CASZ1: variants seen among roughly 807,000 people sequenced by gnomAD.
The protein encoded by CASZ1 is castor zinc finger 1.
A neutral mutation model predicts 135.2 loss-of-function variants in CASZ1; 28 were observed. The ratio of observed to expected loss-of-function variants is 0.21; its 90% CI spans 0.15 to 0.28. The LOEUF (loss-of-function observed/expected upper bound fraction) is 0.28. Ranked by LOEUF, CASZ1 falls within the 10% of genes least tolerant of loss-of-function variation. The probability of loss-of-function intolerance (pLI) is 1.00; values close to 1 mark genes in which losing one functional copy is unlikely to be tolerated. For synonymous variants in CASZ1, 1,068 were observed against 1,073.4 expected (o/e 0.99, Z 0.10); for missense variants, 2,161 against 2,453.3 (o/e 0.88, Z 2.52).
At chr1:10,781,727 T>A (rs1027448590) in intron 1 of CASZ1, among the ~76,000 whole-genome samples, 2 of 152,136 alleles carry the variant, frequency 1.3e-5, no homozygotes, top group African/African-American at 4.8e-5. Flanking sequence ...ACAGTACTAG[T>A]AGCAACGATA....
chr1:10,794,946 C>A lies in CASZ1; in HGVS notation c.-234+1618G>T, dbSNP rs553204084. 2.3e-4 allele frequency among the ~76,000 whole-genome samples: 35 copies of A among 151,420 alleles called. No homozygotes were observed. The highest frequency in any genetic ancestry group is 3.7e-4 in the Non-Finnish European group (25 of 67,720). Reference sequence around the variant, plus strand: ...CCCCAGCGCGCCTCTGCCCGCACCTCGCCACCCCGGCGGCCGCCCCCTCCC... The same window carrying A: ...CCCCAGCGCGCCTCTGCCCGCACCTAGCCACCCCGGCGGCCGCCCCCTCCC... On this transcript the variant is annotated intron_variant, in intron 1 of 20. Transcript: ENST00000377022. The surrounding 1 kb of genome is among the most constrained non-coding windows in gnomAD (Gnocchi z 5.6).
At chr1:10,770,770 C>T (rs976105547) in intron 1 of CASZ1, among the ~76,000 whole-genome samples, 1 of 152,240 alleles carries the variant, frequency 6.6e-6, no homozygotes, top group African/African-American at 2.4e-5. Context: ...GCAATCATCA[C>T]CTAGGTCTAC....
Position 10,694,171 on chromosome 1 carries a change from T to TG in CASZ1, c.-23-260dup, listed in dbSNP as rs1638859499. The TG allele has an allele frequency of 3.4e-6, 1 of 296,884 alleles. No homozygotes were observed. Among genetic ancestry groups the TG allele is most frequent in the Non-Finnish European group, 5.3e-6 (1 of 188,556 alleles). The allele number at this position is 296,884 out of a possible 1,614,324, so 18.4% of individuals were successfully genotyped here. ...ACTCTCGGCCGGCGCGGCCCCGGCT[T>TG]GGGGGCCCTGGCCGGGGGATCCGCG... On this transcript the variant is annotated intron_variant, in intron 3 of 20. Coordinates refer to ENST00000377022, the MANE Select transcript of CASZ1 (RefSeq NM_001079843.3). The surrounding 1 kb of genome is among the most constrained non-coding windows in gnomAD (Gnocchi z 6.6).
At chr1:10,770,539 C>G (rs1244692156) in intron 1 of CASZ1, among the ~76,000 whole-genome samples, 1 of 152,132 alleles carries the variant, frequency 6.6e-6, no homozygotes, top group African/African-American at 2.4e-5. Flanking sequence ...GGGGTCCCAG[C>G]CAACTGGGCC....
chr1:10,660,574 G>C, intron 5 of CASZ1, 38 bp from the exon 6 acceptor site: 2 of 1,565,440 alleles, frequency 1.3e-6, no homozygotes, highest in Non-Finnish European at 1.7e-6. Flanking sequence ...CTCTGGGAGG[G>C]AGTGGGAGGG....
At chr1:10,783,886 A>AAC (rs1370095156) in intron 1 of CASZ1, among the ~76,000 whole-genome samples, 21 of 151,464 alleles carry the variant, frequency 1.4e-4, no homozygotes, top group African/African-American at 5.1e-4. Context: ...AAAAAAAAAA[A>AAC]AAAAAAACCT....
In CASZ1 at chr1:10,665,576, A is replaced by T; in HGVS notation, c.17-5T>A. ...CCGTGCACCGGGTGCCCTCAGCTGC[A>T]GGGATGGAGGAGAGCACGGAGGTCA... On this transcript the variant is annotated splice_region_variant and splice_polypyrimidine_tract_variant and intron_variant, in intron 4 of 20. Coordinates refer to ENST00000377022, the MANE Select transcript of CASZ1 (RefSeq NM_001079843.3). The T allele has an allele frequency of 6.4e-7, 1 of 1,550,676 alleles. No homozygotes were observed. The highest frequency in any genetic ancestry group is 8.7e-7 in the Non-Finnish European group (1 of 1,153,918).
chr1:10,727,841 A>G lies in CASZ1; in HGVS notation c.-76-22297T>C, dbSNP rs1639624774. ...CTGGGAACCTGTGGAGCCCCTGGCTAGTGGCCAGACAGCATGTATGAGTGT... is the reference window on the plus strand; with the variant it reads ...CTGGGAACCTGTGGAGCCCCTGGCTGGTGGCCAGACAGCATGTATGAGTGT... On this transcript the variant is annotated intron_variant, in intron 2 of 20. Coordinates refer to ENST00000377022, the MANE Select transcript of CASZ1 (RefSeq NM_001079843.3). The surrounding 1 kb of genome is among the most constrained non-coding windows in gnomAD (Gnocchi z 5.3). 6.6e-6 allele frequency among the ~76,000 whole-genome samples: 1 copy of G among 152,168 alleles called. No individual in the cohort carries two copies. The highest frequency in any genetic ancestry group is 1.9e-4 in the East Asian group (1 of 5,188).
rs1056662600 is a variant in CASZ1 at position 10,741,274 on chromosome 1, C to T, written c.-77+19427G>A. On this transcript the variant is annotated intron_variant, in intron 2 of 20. Coordinates refer to ENST00000377022, the MANE Select transcript of CASZ1 (RefSeq NM_001079843.3). This position sits in a 1 kb window ranked among gnomAD's most constrained non-coding sequence, Gnocchi z 5.0. ...TTGGGATTACAGGCGTGAGCCACTG[C>T]GCCTGGCTCTATATTGGGCTTTAAA... Among the ~76,000 whole-genome samples the T allele has an allele frequency of 1.3e-5, 2 of 152,206 alleles. No homozygotes were observed. Among genetic ancestry groups the T allele is most frequent in the African/African-American group, 4.8e-5 (2 of 41,444 alleles).
chr1:10,678,782 A>C (rs922498632), intron 4 of CASZ1, among the ~76,000 whole-genome samples: 4 of 150,398 alleles, frequency 2.7e-5, no homozygotes, highest in Non-Finnish European at 4.4e-5. Flanking sequence ...GACAGACGCT[A>C]TATCGCTATC....
chr1:10,708,972 G>GT (rs1491543399), intron 2 of CASZ1, among the ~76,000 whole-genome samples: 5 of 75,610 alleles, frequency 6.6e-5, no homozygotes, highest in East Asian at 1.6e-3. Flanking sequence ...AGGACGGGGA[G>GT]GGGGGGGGCC....
At chr1:10,775,813 GTC>G (rs1640652528) in intron 1 of CASZ1, among the ~76,000 whole-genome samples, 1 of 152,164 alleles carries the variant, frequency 6.6e-6, no homozygotes, top group African/African-American at 2.4e-5. Flanking sequence ...GGCCACGTGT[GTC>G]TCTCTGCCAG....
At chr1:10,775,734 T>C (rs1490205728) in intron 1 of CASZ1, among the ~76,000 whole-genome samples, 1 of 152,096 alleles carries the variant, frequency 6.6e-6, no homozygotes, top group Non-Finnish European at 1.5e-5. Flanking sequence ...ACCAGGTTAA[T>C]AGAGGCCCGA....
chr1:10,737,574 T>G (rs1277938542), intron 2 of CASZ1, among the ~76,000 whole-genome samples: 2 of 152,222 alleles, frequency 1.3e-5, no homozygotes, highest in African/African-American at 4.8e-5. Flanking sequence ...CCCTGAGATA[T>G]CTGGGGGACC....
chr1:10,758,938 T>C (rs891789555), intron 2 of CASZ1, among the ~76,000 whole-genome samples: 3 of 152,200 alleles, frequency 2.0e-5, no homozygotes, highest in African/African-American at 7.2e-5. Flanking sequence ...CAGCCGATGC[T>C]AGGATACAGG....
chr1:10,678,420 G>C (rs1322242232), intron 4 of CASZ1, among the ~76,000 whole-genome samples: 3 of 152,016 alleles, frequency 2.0e-5, no homozygotes, highest in Non-Finnish European at 4.4e-5. Context: ...GCAGGTGGGT[G>C]GGGGTGGGGG....
chr1:10,723,073 G>A (rs773497387), intron 2 of CASZ1, among the ~76,000 whole-genome samples: 3 of 152,250 alleles, frequency 2.0e-5, no homozygotes, highest in Admixed American at 1.3e-4. Context: ...GCATCATGGC[G>A]CCAGGAGCCA....
Position 10,643,304 on chromosome 1 carries a change from C to T in CASZ1, c.3876G>A (p.Lys1292=). The T allele has an allele frequency of 2.5e-6, 4 of 1,612,766 alleles. No individual in the cohort carries two copies. Among genetic ancestry groups the T allele is most frequent in the South Asian group, 1.1e-5 (1 of 91,050 alleles). ...GGAAGTGGCTGTTCACCTGGTTGTA[C>T]TTGCAACCTGTGGACACAGCCCCAC... ...KREECGRLGC[K]YNQVNSHFHC... The change falls in exon 19 of 21, where the codon AAG becomes AAA. Residue 1292 remains lysine, a synonymous_variant. Coordinates refer to ENST00000377022, the MANE Select transcript of CASZ1 (RefSeq NM_001079843.3).
Position 10,776,389 on chromosome 1 carries a change from C to T in CASZ1, c.-233-15532G>A, listed in dbSNP as rs541480765. ...GAAGCCAGGCCTCCTGCCCAGATGG[C>T]GCTCACCCCGGGCATGGAGCCTGCC... On this transcript the variant is annotated intron_variant, in intron 1 of 20. Transcript: ENST00000377022. The surrounding 1 kb of genome is among the most constrained non-coding windows in gnomAD (Gnocchi z 4.1). Among the ~76,000 whole-genome samples the T allele has an allele frequency of 1.3e-5, 2 of 152,346 alleles. No individual in the cohort carries two copies. The highest frequency in any genetic ancestry group is 3.9e-4 in the East Asian group (2 of 5,186).
Sources: allele counts gnomAD v4.1 joint callset (sites outside exome capture counted in the v4.1 genomes callset), GRCh38; gene constraint gnomAD v4.1.1; non-coding constraint Gnocchi (gnomAD v3.1); transcripts MANE v1.5; gene names NCBI Gene and HGNC (gene_info 2026-07-23, HGNC 2026-07-21).